The following DCC variants were observed in gnomAD, a reference collection of about 807,000 sequenced individuals.
DCC encodes DCC netrin 1 receptor.
Under a neutral mutation model 172.5 loss-of-function variants are expected in DCC, and 58 were observed. That is an observed-to-expected ratio of 0.34 (90% confidence interval 0.27 to 0.42). The LOEUF (loss-of-function observed/expected upper bound fraction) is 0.42, where lower values mean the gene tolerates loss of function less well. Ranked by LOEUF, DCC falls within the 10% of genes least tolerant of loss-of-function variation. The pLI, the probability that DCC is intolerant of heterozygous loss-of-function variation, is 1.00. For synonymous variants in DCC, 709 were observed against 644.5 expected, an observed-to-expected ratio of 1.10 and a Z score of -1.52; for missense variants, 1,740 against 1,791.0, an observed-to-expected ratio of 0.97 and a Z score of 0.51.
chr18:53,274,932 C>T (rs1266916678), intron 12 of DCC, among the ~76,000 whole-genome samples: 4 of 152,200 alleles, frequency 2.6e-5, no homozygotes, highest in Non-Finnish European at 5.9e-5. Context: ...AAGCACTGAG[C>T]CTCAGACAGT....
Position 53,150,018 on chromosome 18 carries a change from G to A in DCC, c.1262-7338G>A, listed in dbSNP as rs774124590. ...ATGAAAGCATTATTTCCCTTAGGAA[G>A]CATCGTTATGTGAACACACCTACTT... is the stretch of plus-strand genomic sequence containing the variant. On this transcript the variant is annotated intron_variant, in intron 7 of 28. Transcript: ENST00000442544. Among the ~76,000 whole-genome samples the A allele has an allele frequency of 5.3e-5, 8 of 152,166 alleles. 1 individual carries two copies.
intron 15 of DCC, among the ~76,000 whole-genome samples, chr18:53,353,044 T>C (rs934194652): frequency 9.4e-5 from 14 of 149,694 alleles, no homozygotes; most frequent in Admixed American, 9.3e-4. Flanking sequence ...TGAAAGAGTT[T>C]TATTAGAGTG....
At chr18:52,724,234 C>T (rs181412264) in intron 1 of DCC, among the ~76,000 whole-genome samples, 1 of 152,200 alleles carries the variant, frequency 6.6e-6, no homozygotes, top group East Asian at 1.9e-4. Flanking sequence ...GCAATTTTGG[C>T]CTCCTGGGCC....
chr18:52,938,735 A>G (rs1050896559), intron 5 of DCC, among the ~76,000 whole-genome samples: 3 of 152,156 alleles, frequency 2.0e-5, no homozygotes, highest in Admixed American at 1.3e-4. Context: ...CAGTGTTGCA[A>G]TATATTAAAC....
intron 5 of DCC, among the ~76,000 whole-genome samples, chr18:52,946,053 CTG>C (rs1420279508): frequency 3.3e-5 from 5 of 152,162 alleles, no homozygotes. Context: ...CATCTGGCCT[CTG>C]TGAACATCTA....
At position 53,042,191 on chromosome 18, in the gene DCC, T is replaced by A. The variant is rs567519215; in HGVS notation, c.986-21114T>A. ...TGAGATATGTTCCATCAATACCTAG[T>A]TTATTGAGTGTTTTTAGCATGAAGG... is the stretch of plus-strand genomic sequence containing the variant. On this transcript the variant is annotated intron_variant, in intron 5 of 28. Coordinates refer to ENST00000442544, the MANE Select transcript of DCC (RefSeq NM_005215.4). Among the ~76,000 whole-genome samples, 23 of 152,118 alleles carry A rather than the reference T, an allele frequency of 1.5e-4. No individual in the cohort carries two copies. The South Asian group carries it at 3.7e-3, about 25-fold the overall frequency.
At chr18:52,647,945 A>T (rs2035050031) in intron 1 of DCC, among the ~76,000 whole-genome samples, 1 of 152,312 alleles carries the variant, frequency 6.6e-6, no homozygotes, top group African/African-American at 2.4e-5. Flanking sequence ...AATGTTAGAA[A>T]TCTGATAAAG....
chr18:53,249,374 T>G (rs2056401738), intron 12 of DCC, among the ~76,000 whole-genome samples: 1 of 151,964 alleles, frequency 6.6e-6, no homozygotes, highest in Admixed American at 6.6e-5. Flanking sequence ...GGCTAAATAT[T>G]GATGGAAGAG....
intron 2 of DCC, among the ~76,000 whole-genome samples, chr18:52,826,484 T>C (rs1470197933): frequency 3.3e-5 from 5 of 151,716 alleles, no homozygotes; most frequent in Non-Finnish European, 7.4e-5. Flanking sequence ...TCCATTCTCT[T>C]TTTTTTTAAT....
intron 2 of DCC, among the ~76,000 whole-genome samples, chr18:52,756,416 T>G (rs1036348324): frequency 6.6e-6 from 1 of 152,182 alleles, no homozygotes; most frequent in African/African-American, 2.4e-5. Flanking sequence ...CTACCTCTCC[T>G]TCTTTGTCTC....
intron 5 of DCC, among the ~76,000 whole-genome samples, chr18:52,971,363 T>C (rs952631393): frequency 6.6e-6 from 1 of 152,160 alleles, no homozygotes; most frequent in African/African-American, 2.4e-5. Context: ...TGTTTAGCAA[T>C]GGATGTATAA....
intron 24 of DCC, among the ~76,000 whole-genome samples, chr18:53,465,218 T>C (rs2045606579): frequency 1.3e-5 from 2 of 151,960 alleles, no homozygotes; most frequent in South Asian, 4.1e-4. Flanking sequence ...CTCTTACTAC[T>C]TCCTGTTTAG....
At chr18:52,582,275 ATG>A (rs2033566265) in intron 1 of DCC, among the ~76,000 whole-genome samples, 1 of 152,172 alleles carries the variant, frequency 6.6e-6, no homozygotes, top group Non-Finnish European at 1.5e-5. Context: ...ATTGCTATTT[ATG>A]TGTTATTAGA....
chr18:52,739,802 A>G (rs908731880), intron 1 of DCC, among the ~76,000 whole-genome samples: 2 of 152,166 alleles, frequency 1.3e-5, no homozygotes, highest in Non-Finnish European at 2.9e-5. Context: ...TTTCTTTTGC[A>G]ATTGAGAATA....
intron 2 of DCC, among the ~76,000 whole-genome samples, chr18:52,771,882 A>AAAG (rs34446449): frequency 0.1 from 15,762 of 150,316 alleles, 2,838 homozygotes; most frequent in African/African-American, 0.37. Flanking sequence ...AAAAAAAAAA[A>AAAG]AAAAGAAAAA....
chr18:52,598,249 G>A (rs17681615), intron 1 of DCC, among the ~76,000 whole-genome samples: 37,713 of 152,090 alleles, frequency 0.25, 5,217 homozygotes, highest in Middle Eastern at 0.34. Flanking sequence ...ACTAAATACC[G>A]AGGTTAAGAG....
In DCC at chr18:52,856,197, ATAAG is replaced by A. The variant is rs562737410; in HGVS notation, c.413-49841_413-49838del. Among the ~76,000 whole-genome samples the A allele has an allele frequency of 5.9e-5, 9 of 152,364 alleles. No individual in the cohort carries two copies. In the East Asian group the frequency reaches 7.7e-4, roughly 13 times the overall value. ...TTAGAAATACAGTTGCATGCCTTGA[ATAAG>A]TAAGTTAATTTAAATACGTGTGTGT... On this transcript the variant is annotated intron_variant, in intron 2 of 28. Coordinates refer to ENST00000442544, the MANE Select transcript of DCC (RefSeq NM_005215.4).
chr18:52,340,862 G>T lies in DCC; in HGVS notation c.75G>T (p.Ala25=), dbSNP rs1023954603. ...TCTTCGGAGCTTCCTTGTTCAGCGC[G>T]CATCTTCAAGTAACCGGTAAGTGGC... ...FVLFGASLFS[A]HLQVTGFQIK... Residue 25 remains alanine (A), a synonymous_variant, in exon 1 of 29, where the codon GCG becomes GCT. Coordinates refer to ENST00000442544, the MANE Select transcript of DCC (RefSeq NM_005215.4). 1.2e-5 allele frequency: 19 copies of T among 1,613,482 alleles called. No homozygotes were observed. Among genetic ancestry groups the T allele is most frequent in the Admixed American group, 1.7e-5 (1 of 60,016 alleles).
intron 2 of DCC, among the ~76,000 whole-genome samples, chr18:52,869,943 AG>A (rs761940053): frequency 3.3e-4 from 51 of 152,262 alleles, no homozygotes; most frequent in Non-Finnish European, 6.5e-4. Flanking sequence ...TGCGACAGGG[AG>A]GGCAGGGCTA....
Sources: gnomAD v4.1 joint callset for allele counts (sites outside exome capture counted in the v4.1 genomes callset) on GRCh38, gnomAD v4.1.1 for gene constraint, MANE v1.5 for transcripts, NCBI Gene and HGNC (gene_info 2026-07-23, HGNC 2026-07-21) for gene names.